GTPBP4: variants seen among roughly 807,000 people sequenced by gnomAD.
The protein encoded by GTPBP4 is GTP binding protein 4, also known as GTP-binding protein 4.
In GTPBP4, 15 loss-of-function variants were observed where a neutral mutation model predicts 81.7. The observed-to-expected ratio is 0.18, with a 90% CI of 0.12 to 0.28. The LOEUF is 0.28. Ranked by LOEUF, GTPBP4 falls within the 10% of genes least tolerant of loss-of-function variation. The pLI is 1.00. For synonymous variants in GTPBP4, 272 were observed against 274.6 expected, an observed-to-expected ratio of 0.99 and a Z score of 0.09; for missense variants, 847 against 793.8, an observed-to-expected ratio of 1.07 and a Z score of -0.81.
At chr10:1,010,571 T>C (rs1831835349) in intron 13 of GTPBP4, 51 bp downstream of exon 13, 2 of 993,928 alleles carry the variant, frequency 2.0e-6, no homozygotes, top group Non-Finnish European at 3.3e-6. Flanking sequence ...ATTATAGTAG[T>C]ATTGCTGGAA....
At chr10:988,923 G>A (rs11594907) in intron 1 of GTPBP4, 2 of 194,954 alleles carry the variant, frequency 1.0e-5, no homozygotes, top group Non-Finnish European at 2.1e-5. Context: ...GTTTGGCGTA[G>A]CCCCCTCCCC....
intron 14 of GTPBP4, 131 bp downstream of exon 14, chr10:1,012,793 A>G (rs1402625234): frequency 1.6e-6 from 1 of 642,058 alleles, no homozygotes; most frequent in African/African-American, 1.8e-5. Context: ...TTATTGGTGT[A>G]TGGATTTGCA....
At chr10:1,012,414 CAG>C (rs764133557) in intron 13 of GTPBP4, 49 bp from the exon 14 acceptor site, 26 of 1,275,142 alleles carry the variant, frequency 2.0e-5, no homozygotes, top group South Asian at 9.0e-5. Context: ...CTCACTGACT[CAG>C]GGGTTTTCTC....
chr10:1,017,126 C>T lies in GTPBP4; in HGVS notation c.1804C>T (p.Arg602Trp), dbSNP rs755719339. The T allele has an allele frequency of 1.9e-5, 31 of 1,613,320 alleles. 1 individual carries two copies. In the South Asian group the frequency reaches 2.9e-4, roughly 15 times the overall value. The stretch of plus-strand genomic sequence containing the variant: ...GAAGAATGCTCAGAAGAAGATGAAT[C>T]GGTTGGGGAAGAAAGGGGAGGCGGA... ...MMKNAQKKMN[R>W]LGKKGEADRH... The change falls in exon 17 of 17, where the codon CGG becomes TGG. Residue 602 changes from arginine (R) to tryptophan (W), a missense_variant. This residue lies in a region of GTPBP4 where 600 missense variants were observed against 557.1 expected (regional missense o/e 1.08). Transcript: ENST00000360803.
rs1380760066 is a variant in GTPBP4, at chr10:1,019,221, C to A, written c.*1994C>A. 2 of 314,776 alleles carry A rather than the reference C, an allele frequency of 6.4e-6. No homozygotes were observed. The highest frequency in any genetic ancestry group is 2.2e-5 in the African/African-American group (1 of 46,504). The allele number at this position is 314,776 out of a possible 1,614,324, so 19.5% of individuals were successfully genotyped here. On this transcript the variant is annotated 3_prime_UTR_variant, in exon 17 of 17. Coordinates refer to ENST00000360803, the MANE Select transcript of GTPBP4 (RefSeq NM_012341.3). ...TGCTTCAGGACTCTCAAGATCTCCC[C>A]AAGACTTTCAGGATCAGCTGCTGTT...
Position 1,019,899 on chromosome 10 carries a change from A to G in GTPBP4, c.*2672A>G. 8.5e-7 allele frequency: 1 copy of G among 1,170,566 alleles called. No homozygotes were observed. The highest frequency in any genetic ancestry group is 1.3e-6 in the Non-Finnish European group (1 of 799,008). The allele number at this position is 1,170,566 out of a possible 1,614,324, so 72.5% of individuals were successfully genotyped here. A position where few individuals can be genotyped will look rare whatever the true frequency, so the allele number is the denominator to read the frequency against. The stretch of plus-strand genomic sequence containing the variant: ...TAAAACACAGAATTTACAGAAAAAT[A>G]GAGAAAATAAACACATTTGTTTTCC... On this transcript the variant is annotated 3_prime_UTR_variant, in exon 17 of 17. Transcript: ENST00000360803.
intron 1 of GTPBP4, among the ~76,000 whole-genome samples, chr10:989,246 C>T (rs1259334125): frequency 6.6e-6 from 1 of 151,110 alleles, no homozygotes; most frequent in Non-Finnish European, 1.5e-5. Context: ...TCCCGAGTAA[C>T]AGGGATTACA....
Position 997,197 on chromosome 10 carries a change from A to C in GTPBP4, c.461-11A>C. 1 of 1,480,320 alleles carries C rather than the reference A, an allele frequency of 6.8e-7. No individual in the cohort carries two copies. The highest frequency in any genetic ancestry group is 9.4e-7 in the Non-Finnish European group (1 of 1,066,728). The allele number at this position is 1,480,320 out of a possible 1,614,324, so 91.7% of individuals were successfully genotyped here. On this transcript the variant is annotated splice_polypyrimidine_tract_variant and intron_variant, in intron 4 of 16. Transcript: ENST00000360803. The stretch of plus-strand genomic sequence containing the variant: ...TGAATTTCTTAATTTTTCAATTTGA[A>C]CTTTTCCTAGTGCGTCAGCATTTAT...
At chr10:993,343 C>G (rs546862253) in intron 2 of GTPBP4, among the ~76,000 whole-genome samples, 2 of 152,336 alleles carry the variant, frequency 1.3e-5, no homozygotes, top group East Asian at 3.9e-4. Flanking sequence ...ATCTCTACCT[C>G]CTGGATTCAA....
chr10:998,134 C>G (rs1228197928), intron 5 of GTPBP4, among the ~76,000 whole-genome samples: 1 of 152,194 alleles, frequency 6.6e-6, no homozygotes, highest in Non-Finnish European at 1.5e-5. Flanking sequence ...GGGTCTCGCT[C>G]TGTTGCCCAG....
intron 5 of GTPBP4, among the ~76,000 whole-genome samples, chr10:998,791 C>G (rs1272672174): frequency 6.6e-6 from 1 of 152,174 alleles, no homozygotes; most frequent in African/African-American, 2.4e-5. Context: ...GGTGGCTGTC[C>G]TCCAAATGCC....
chr10:990,584 G>A (rs1238273178), intron 1 of GTPBP4, among the ~76,000 whole-genome samples: 4 of 151,542 alleles, frequency 2.6e-5, no homozygotes, highest in Non-Finnish European at 4.4e-5. Flanking sequence ...TTAGCCAGGC[G>A]TGGTGGCGGG....
intron 4 of GTPBP4, 110 bp from the exon 5 acceptor site, chr10:997,098 G>C: frequency 1.4e-6 from 1 of 719,646 alleles, no homozygotes; most frequent in Non-Finnish European, 2.5e-6. Flanking sequence ...ACAAAAGTTG[G>C]AGTAAGATGA....
At chr10:998,810 C>T (rs1402097924) in intron 5 of GTPBP4, among the ~76,000 whole-genome samples, 193 bp from the exon 6 acceptor site, 2 of 152,180 alleles carry the variant, frequency 1.3e-5, no homozygotes, top group Non-Finnish European at 2.9e-5. Context: ...CCAGCCCTCA[C>T]GCTGTCCTAG....
At chr10:1,015,564 G>C (rs373902939) in intron 15 of GTPBP4, among the ~76,000 whole-genome samples, 189 bp from the exon 16 acceptor site, 17 of 40,188 alleles carry the variant, frequency 4.2e-4, no homozygotes, top group African/African-American at 1.0e-3. Flanking sequence ...TGGGAGCGGG[G>C]CTGGGGTCCT....
intron 8 of GTPBP4, among the ~76,000 whole-genome samples, chr10:1,002,926 GAAC>G (rs1831662443): frequency 6.6e-6 from 1 of 152,166 alleles, no homozygotes; most frequent in Non-Finnish European, 1.5e-5. Flanking sequence ...GGGAATTCTT[GAAC>G]TTCCTGGTTT....
chr10:1,009,466 G>A (rs1273427407), intron 11 of GTPBP4, 63 bp from the exon 12 acceptor site: 3 of 1,035,152 alleles, frequency 2.9e-6, no homozygotes, highest in Admixed American at 3.4e-5. Flanking sequence ...GTGACAAGGG[G>A]CAGAGCATTT....
At chr10:1,014,387 T>C (rs1325454466) in intron 15 of GTPBP4, 75 bp downstream of exon 15, 17 of 1,083,168 alleles carry the variant, frequency 1.6e-5, no homozygotes. Context: ...CCGGGCGTGG[T>C]GGCTCATGCC....
In GTPBP4 at chr10:1,017,479, A is replaced by G. The variant is rs897411018; in HGVS notation, c.*252A>G. Reference sequence around the variant, plus strand: ...GGAGTATCAGTTGCTTCAGATTTTCAGAACTGGGAAGATTTACTGGTTTAA... The same window carrying G: ...GGAGTATCAGTTGCTTCAGATTTTCGGAACTGGGAAGATTTACTGGTTTAA... On this transcript the variant is annotated 3_prime_UTR_variant, in exon 17 of 17. Coordinates refer to ENST00000360803, the MANE Select transcript of GTPBP4 (RefSeq NM_012341.3). 1.6e-4 allele frequency: 56 copies of G among 349,316 alleles called. 1 individual carries two copies. Among genetic ancestry groups the G allele is most frequent in the Admixed American group, 1.4e-3 (31 of 21,996 alleles). The allele number at this position is 349,316 out of a possible 1,614,324, so 21.6% of individuals were successfully genotyped here.
Sources: gnomAD v4.1 joint callset for allele counts (sites outside exome capture counted in the v4.1 genomes callset) on GRCh38, gnomAD v4.1.1 for gene constraint, gnomAD v4.1.1 regional missense constraint, MANE v1.5 for transcripts, NCBI Gene and HGNC (gene_info 2026-07-23, HGNC 2026-07-21) for gene names.